SEMA3C: variants seen among roughly 807,000 people sequenced by gnomAD.
The protein encoded by SEMA3C is semaphorin 3C.
A neutral mutation model predicts 89.4 loss-of-function variants in SEMA3C; 47 were observed. The ratio of observed to expected loss-of-function variants is 0.53; its 90% CI spans 0.42 to 0.67. SEMA3C has a LOEUF of 0.67. Ranked by LOEUF, SEMA3C falls within the 30% of genes least tolerant of loss-of-function variation. SEMA3C has a pLI of 0.00. For missense variants in SEMA3C, 839 were observed against 929.1 expected (o/e 0.90, Z 1.26); for synonymous variants, 310 against 320.2 (o/e 0.97, Z 0.34).
At chr7:80,833,756 G>A (rs1454293560) in intron 2 of SEMA3C, among the ~76,000 whole-genome samples, 1 of 151,944 alleles carries the variant, frequency 6.6e-6, no homozygotes, top group African/African-American at 2.4e-5. Context: ...ATACGACTTG[G>A]GGAGAGAAAC....
intron 2 of SEMA3C, among the ~76,000 whole-genome samples, chr7:80,875,944 T>TA (rs201914530): frequency 2.0e-4 from 29 of 147,340 alleles, no homozygotes; most frequent in South Asian, 6.5e-4. Flanking sequence ...GGAAGGAAGT[T>TA]AAAAAAAAAA....
At chr7:80,749,325 T>TTAATTATTACAATACTC (rs753938157) in intron 16 of SEMA3C, among the ~76,000 whole-genome samples, 51 of 152,316 alleles carry the variant, frequency 3.3e-4, no homozygotes, top group Non-Finnish European at 5.6e-4. Flanking sequence ...CTTTGTTGAC[T>TTAATTATTACAATACTC]TAATTATTAC....
At chr7:80,819,590 T>A (rs1286370577) in intron 4 of SEMA3C, among the ~76,000 whole-genome samples, 1 of 152,208 alleles carries the variant, frequency 6.6e-6, no homozygotes, top group East Asian at 1.9e-4. Context: ...TTGCCTTCTA[T>A]GAGGAATGAC....
intron 11 of SEMA3C, among the ~76,000 whole-genome samples, chr7:80,791,320 AT>A (rs1298747964): frequency 5.9e-5 from 9 of 152,170 alleles, no homozygotes; most frequent in Non-Finnish European, 1.3e-4. Flanking sequence ...TGGGTATAAT[AT>A]TTTAATACAT....
At chr7:80,906,651 G>A (rs1282551755) in intron 2 of SEMA3C, among the ~76,000 whole-genome samples, 11 of 152,148 alleles carry the variant, frequency 7.2e-5, no homozygotes, top group Non-Finnish European at 1.5e-4. Context: ...ATATAATTAT[G>A]CGTATTAAAA....
At chr7:80,886,799 G>A (rs562610096) in intron 2 of SEMA3C, among the ~76,000 whole-genome samples, 2 of 152,274 alleles carry the variant, frequency 1.3e-5, no homozygotes, top group South Asian at 4.1e-4. Flanking sequence ...GTGCTAAAAT[G>A]TCACCAGCAT....
chr7:80,743,156 A>G lies in SEMA3C; in HGVS notation c.*1738T>C, dbSNP rs1215850748. On this transcript the variant is annotated 3_prime_UTR_variant, in exon 18 of 18. Coordinates refer to ENST00000265361, the MANE Select transcript of SEMA3C (RefSeq NM_006379.5). ...TTAATTATACCTTTTAAGCAGGCAA[A>G]CCATTATAATAAACTGCTTTAGAAA... 6.6e-6 allele frequency: 1 copy of G among 151,914 alleles called. No individual in the cohort carries two copies. Among genetic ancestry groups the G allele is most frequent in the East Asian group, 1.9e-4 (1 of 5,202 alleles). 9.4% of individuals were successfully genotyped at this position (151,914 alleles called of 1,614,324 possible).
chr7:80,818,057 T>TAC (rs58398775), intron 5 of SEMA3C, among the ~76,000 whole-genome samples: 31,832 of 149,340 alleles, frequency 0.21, 3,587 homozygotes, highest in East Asian at 0.4. Flanking sequence ...ACTAAAAGTA[T>TAC]ACACACACAC....
At chr7:80,817,233 A>G (rs1435246179) in intron 5 of SEMA3C, among the ~76,000 whole-genome samples, 2 of 152,186 alleles carry the variant, frequency 1.3e-5, no homozygotes, top group African/African-American at 4.8e-5. Context: ...AAAGATACTT[A>G]TGTATAAATT....
intron 12 of SEMA3C, among the ~76,000 whole-genome samples, chr7:80,769,713 G>T (rs1788382782): frequency 6.6e-6 from 1 of 151,800 alleles, no homozygotes; most frequent in Admixed American, 6.6e-5. Context: ...CAAAAAATTA[G>T]CTGGGCATGG....
rs143347984 is a variant in SEMA3C at position 80,804,165 on chromosome 7, G to T, written c.742C>A (p.Leu248Met). The T allele has an allele frequency of 1.6e-5, 25 of 1,612,774 alleles. No individual in the cohort carries two copies. The highest frequency in any genetic ancestry group is 2.0e-5 in the Non-Finnish European group (23 of 1,179,254). Residue 248 changes from leucine to methionine, a missense_variant, in exon 8 of 18, where the codon CTG (leucine) becomes ATG (methionine). Transcript: ENST00000265361. ...TTCGTGCTCCTGTTATTGTCAGTCAGTTTTTCTTTGAAGAAGAAGTACACC... is the reference window on the plus strand; with the variant it reads ...TTCGTGCTCCTGTTATTGTCAGTCATTTTTTCTTTGAAGAAGAAGTACACC... ...AKVYFFFKEK[L>M]TDNNRSTKQI...
intron 13 of SEMA3C, among the ~76,000 whole-genome samples, chr7:80,764,312 A>C (rs1172376658): frequency 1.3e-5 from 2 of 152,182 alleles, no homozygotes; most frequent in Non-Finnish European, 2.9e-5. Flanking sequence ...TTAGTTGGAA[A>C]TAGTGTTCTG....
In SEMA3C at chr7:80,745,123, G is replaced by A. The variant is rs780117873; in HGVS notation, c.2027C>T (p.Pro676Leu). The A allele has an allele frequency of 1.9e-5, 30 of 1,613,726 alleles. No homozygotes were observed. The highest frequency in any genetic ancestry group is 3.3e-5 in the Admixed American group (2 of 59,930). Residue 676 changes from proline to leucine, a missense_variant, in exon 18 of 18, where the codon CCA becomes CTA. Coordinates refer to ENST00000265361, the MANE Select transcript of SEMA3C (RefSeq NM_006379.5). ...CCTCACAGAGCTGGCCCAGGTCCAT[G>A]GGGACCATTTGTCCGTCACAACAGC... Reference protein sequence around the residue: ...MVAVVTDKWSPWTWASSVRAL... With the variant: ...MVAVVTDKWSLWTWASSVRAL...
intron 2 of SEMA3C, among the ~76,000 whole-genome samples, chr7:80,877,966 G>C (rs1251446333): frequency 3.9e-5 from 6 of 152,078 alleles, no homozygotes; most frequent in Admixed American, 1.3e-4. Context: ...CACACCTTCA[G>C]TTAAAGTTTT....
chr7:80,858,494 T>C (rs1790695142), intron 2 of SEMA3C, among the ~76,000 whole-genome samples: 1 of 152,110 alleles, frequency 6.6e-6, no homozygotes, highest in Non-Finnish European at 1.5e-5. Context: ...CTTAAGATAG[T>C]TTGAGATTAG....
intron 12 of SEMA3C, among the ~76,000 whole-genome samples, chr7:80,775,000 G>A (rs899707592): frequency 3.9e-5 from 6 of 151,956 alleles, no homozygotes; most frequent in South Asian, 4.1e-4. Flanking sequence ...AACAAGGAAC[G>A]TAATTATTGG....
At chr7:80,880,803 T>C (rs1416485694) in intron 2 of SEMA3C, among the ~76,000 whole-genome samples, 1 of 152,054 alleles carries the variant, frequency 6.6e-6, no homozygotes, top group African/African-American at 2.4e-5. Context: ...CAGGTGCCTG[T>C]AGTCCCAGCT....
At chr7:80,863,127 A>G (rs983670954) in intron 2 of SEMA3C, among the ~76,000 whole-genome samples, 1 of 152,002 alleles carries the variant, frequency 6.6e-6, no homozygotes, top group Non-Finnish European at 1.5e-5. Flanking sequence ...AGCAAAAGGA[A>G]CAGCTGAAGC....
chr7:80,873,825 A>T (rs1791131233), intron 2 of SEMA3C, among the ~76,000 whole-genome samples: 1 of 152,200 alleles, frequency 6.6e-6, no homozygotes, highest in Admixed American at 6.5e-5. Context: ...TGTTGCATGG[A>T]AAACAGTTTG....
Sources: allele counts gnomAD v4.1 joint callset (sites outside exome capture counted in the v4.1 genomes callset), GRCh38; gene constraint gnomAD v4.1.1; transcripts MANE v1.5; gene names NCBI Gene and HGNC (gene_info 2026-07-23, HGNC 2026-07-21).